NOC2L: variants seen among roughly 807,000 people sequenced by gnomAD.
NOC2L encodes the protein nucleolar complex protein 2 homolog.
A neutral mutation model predicts 94.2 loss-of-function variants in NOC2L; 101 were observed. The ratio of observed to expected loss-of-function variants is 1.07; its 90% CI spans 0.91 to 1.26. The LOEUF (loss-of-function observed/expected upper bound fraction) is 1.26, where lower values mean the gene tolerates loss of function less well. Among genes scored for constraint, NOC2L ranks in the 50% most tolerant of loss-of-function variants. NOC2L has a pLI of 0.00. For synonymous variants in NOC2L, 531 were observed against 413.4 expected (o/e 1.28, Z -3.45); for missense variants, 1,076 against 980.1 (o/e 1.10, Z -1.31).
At chr1:947,671 G>T (rs987703813) in intron 14 of NOC2L, among the ~76,000 whole-genome samples, 1 of 152,208 alleles carries the variant, frequency 6.6e-6, no homozygotes, top group African/African-American at 2.4e-5. Flanking sequence ...CTGACGTGGG[G>T]TATTTAGCGG....
chr1:958,628 C>G (rs1236131579), intron 2 of NOC2L: 4 of 601,708 alleles, frequency 6.6e-6, no homozygotes, highest in Non-Finnish European at 1.2e-5. Flanking sequence ...CCCTCCCCAG[C>G]ACTTATCTCT....
chr1:944,970 A>AGAGCCCC, intron 18 of NOC2L, 87 bp downstream of exon 18: 1 of 1,594,954 alleles, frequency 6.3e-7, no homozygotes, highest in Non-Finnish European at 8.6e-7. Flanking sequence ...AGCCTGGCCC[A>AGAGCCCC]GAGCCCCACG....
chr1:945,164 G>A lies in NOC2L; in HGVS notation c.2054-18C>T. 6.3e-7 allele frequency: 1 copy of A among 1,578,464 alleles called. No individual in the cohort carries two copies. The highest frequency in any genetic ancestry group is 1.9e-5 in the Admixed American group (1 of 53,974). ...CAGTATCCCTGAGGAACAAGAAGCAGAGTCCATATGACTCCCACCCACAGG... is the reference window on the plus strand; with the variant it reads ...CAGTATCCCTGAGGAACAAGAAGCAAAGTCCATATGACTCCCACCCACAGG... On this transcript the variant is annotated intron_variant, in intron 17 of 18. Coordinates refer to ENST00000327044, the MANE Select transcript of NOC2L (RefSeq NM_015658.4).
At chr1:954,195 C>G in intron 6 of NOC2L, 113 bp from the exon 7 acceptor site, 2 of 943,328 alleles carry the variant, frequency 2.1e-6, no homozygotes, top group South Asian at 1.6e-5. Flanking sequence ...CTGCAGAGAC[C>G]CCCCGTCTCT....
At chr1:957,418 G>A (rs112155575) in intron 2 of NOC2L, 145 bp from the exon 3 acceptor site, 11 of 714,412 alleles carry the variant, frequency 1.5e-5, no homozygotes, top group South Asian at 3.6e-5. Context: ...GCAGACTCAC[G>A]TCTCCTACCC....
rs986970731 is a variant in NOC2L at position 944,389 on chromosome 1, C to T, written c.*305G>A. On this transcript the variant is annotated 3_prime_UTR_variant, in exon 19 of 19. Coordinates refer to ENST00000327044, the MANE Select transcript of NOC2L (RefSeq NM_015658.4). ...GGAGGGCAGAGGTGGTGGAAGGGGCCAGGGGCCTGCAGGCCTCCCCCTGGA... is the reference window on the plus strand; with the variant it reads ...GGAGGGCAGAGGTGGTGGAAGGGGCTAGGGGCCTGCAGGCCTCCCCCTGGA... The T allele has an allele frequency of 2.8e-5, 36 of 1,271,320 alleles. No individual in the cohort carries two copies. Among genetic ancestry groups the T allele is most frequent in the Non-Finnish European group, 3.4e-5 (33 of 982,112 alleles). The allele number at this position is 1,271,320 out of a possible 1,614,324, so 78.8% of individuals were successfully genotyped here. A position where few individuals can be genotyped will look rare whatever the true frequency, so the allele number is the denominator to read the frequency against.
At chr1:946,312 C>CT in intron 15 of NOC2L, 26 bp from the exon 16 acceptor site, 1 of 1,610,946 alleles carries the variant, frequency 6.2e-7, no homozygotes, top group Non-Finnish European at 8.5e-7. Flanking sequence ...AGTTCAGGGT[C>CT]ATGCCTCACC....
chr1:953,974 G>GC (rs1642331713), intron 7 of NOC2L, 30 bp downstream of exon 7: 1 of 1,602,420 alleles, frequency 6.2e-7, no homozygotes, highest in African/African-American at 1.3e-5. Flanking sequence ...ATACAGCCAG[G>GC]CCCCCGTGCC....
intron 8 of NOC2L, 132 bp from the exon 9 acceptor site, chr1:953,420 C>A: frequency 1.6e-6 from 1 of 637,280 alleles, no homozygotes. Flanking sequence ...CTCGGGGGAG[C>A]CGTGAGTTAG....
At chr1:950,641 G>A (rs982156139) in intron 12 of NOC2L, among the ~76,000 whole-genome samples, 13 of 148,186 alleles carry the variant, frequency 8.8e-5, no homozygotes, top group African/African-American at 3.0e-4. Flanking sequence ...ACATACAGAT[G>A]CACACATGAA....
rs1466798160 is a variant in NOC2L at position 944,253 on chromosome 1, G to A, written c.*441C>T. On this transcript the variant is annotated 3_prime_UTR_variant, in exon 19 of 19. Transcript: ENST00000327044. Reference sequence around the variant, plus strand: ...CGCTTTATTTCTTTCGGTTTCGGATGCAAAACAAAAAATTTTAAAAGAAAA... The same window carrying A: ...CGCTTTATTTCTTTCGGTTTCGGATACAAAACAAAAAATTTTAAAAGAAAA... The A allele has an allele frequency of 2.1e-6, 3 of 1,454,218 alleles. No individual in the cohort carries two copies. The East Asian group carries it at 7.5e-5, about 36-fold the overall frequency. 90.1% of individuals were successfully genotyped at this position (1,454,218 alleles called of 1,614,324 possible).
chr1:945,578 T>C lies in NOC2L; in HGVS notation c.1993A>G (p.Lys665Glu), dbSNP rs1296314953. The C allele has an allele frequency of 6.2e-7, 1 of 1,614,170 alleles. No homozygotes were observed. Among genetic ancestry groups the C allele is most frequent in the Non-Finnish European group, 8.5e-7 (1 of 1,179,986 alleles). The change falls in exon 17 of 19, where the codon AAA (lysine) becomes GAA (glutamate). Residue 665 changes from lysine (K) to glutamate (E), a missense_variant. This residue lies in a region of NOC2L where 615 missense variants were observed against 577.4 expected (regional missense o/e 1.07). Coordinates refer to ENST00000327044, the MANE Select transcript of NOC2L (RefSeq NM_015658.4). ...DRKDEDRKQF[K>E]DLFDLNSSEE... is the part of the protein sequence containing the mutation. ...GAGCTGTTCAGGTCAAAGAGGTCTTTAAATTGCTTCCTGTCCTCATCCTTC... is the reference window on the plus strand; with the variant it reads ...GAGCTGTTCAGGTCAAAGAGGTCTTCAAATTGCTTCCTGTCCTCATCCTTC...
Position 946,559 on chromosome 1 carries a change from G to A in NOC2L, c.1660-14C>T, listed in dbSNP as rs780563905. ...GAACGACTTCAGCTGCGGAAGGGAG[G>A]GGTCAGCCACTGAAGCCCAGGACCG... On this transcript the variant is annotated splice_polypyrimidine_tract_variant and intron_variant, in intron 14 of 18. Transcript: ENST00000327044. The A allele has an allele frequency of 9.3e-6, 15 of 1,609,438 alleles. No individual in the cohort carries two copies. The East Asian group carries it at 2.9e-4, about 31-fold the overall frequency.
chr1:956,849 A>G (rs1363606100), intron 4 of NOC2L, 45 bp downstream of exon 4: 1 of 1,604,098 alleles, frequency 6.2e-7, no homozygotes, highest in Non-Finnish European at 8.5e-7. Flanking sequence ...GCAAGGCCAG[A>G]TTTCTGCCTG....
At chr1:953,633 G>C (rs886388482) in intron 8 of NOC2L, 149 bp downstream of exon 8, 11 of 650,292 alleles carry the variant, frequency 1.7e-5, no homozygotes, top group Non-Finnish European at 2.9e-5. Context: ...TGGGGGTGGG[G>C]GCCAGGTGCT....
intron 12 of NOC2L, among the ~76,000 whole-genome samples, chr1:950,402 G>C (rs1430972530): frequency 2.0e-5 from 3 of 151,532 alleles, no homozygotes; most frequent in Non-Finnish European, 4.4e-5. Context: ...CATGCACACA[G>C]GTGCACACAC....
chr1:956,077 G>A lies in NOC2L; in HGVS notation c.607+18C>T, dbSNP rs1250130151. 1 of 1,614,088 alleles carries A rather than the reference G, an allele frequency of 6.2e-7. No homozygotes were observed. The highest frequency in any genetic ancestry group is 8.5e-7 in the Non-Finnish European group (1 of 1,180,032). On this transcript the variant is annotated intron_variant, in intron 5 of 18. Transcript: ENST00000327044. ...AACGCAACAGACAGCCTGGATGCCA[G>A]GCTCCCCCCAAGCTCACCAGCACTG...
chr1:958,419 T>C (rs888075919), intron 2 of NOC2L: 1 of 313,414 alleles, frequency 3.2e-6, no homozygotes, highest in African/African-American at 2.2e-5. Flanking sequence ...CCGGCTAATT[T>C]TTATATTTTT....
intron 12 of NOC2L, among the ~76,000 whole-genome samples, chr1:949,293 G>C (rs535188995): frequency 2.0e-5 from 3 of 152,186 alleles, no homozygotes; most frequent in Non-Finnish European, 2.9e-5. Flanking sequence ...AGCAGATTAT[G>C]GGGGGCCCAA....
Sources: allele counts gnomAD v4.1 joint callset (sites outside exome capture counted in the v4.1 genomes callset), GRCh38; gene constraint gnomAD v4.1.1; regional missense constraint gnomAD v4.1.1; transcripts MANE v1.5; gene names NCBI Gene and HGNC (gene_info 2026-07-23, HGNC 2026-07-21).